PTPRT: variants seen among roughly 807,000 people sequenced by gnomAD.
PTPRT encodes protein tyrosine phosphatase receptor type T, also known as receptor-type tyrosine-protein phosphatase T.
In PTPRT, 56 loss-of-function variants were observed where a neutral mutation model predicts 176.8. The ratio of observed to expected loss-of-function variants is 0.32; its 90% CI spans 0.26 to 0.40. The LOEUF is 0.40. Among genes scored for constraint, PTPRT ranks in the 10% least tolerant of loss-of-function variants. PTPRT has a pLI of 1.00. For synonymous variants in PTPRT, 783 were observed against 739.0 expected, an observed-to-expected ratio of 1.06 and a Z score of -0.96; for missense variants, 1,540 against 1,908.2, an observed-to-expected ratio of 0.81 and a Z score of 3.60.
At chr20:42,184,614 T>TCTTCTTCTTCTTCTTCTTCTCCTC (rs1990692690) in intron 16 of PTPRT, among the ~76,000 whole-genome samples, 7 of 142,670 alleles carry the variant, frequency 4.9e-5, no homozygotes, top group African/African-American at 1.7e-4. Flanking sequence ...TTCTTCTTCT[T>TCTTCTTCTTCTTCTTCTTCTCCTC]CTCCTCCTTC....
At position 42,080,820 on chromosome 20, in the gene PTPRT, C is replaced by T. The variant is rs531586184; in HGVS notation, c.*59G>A. 1 of 1,532,332 alleles carries T rather than the reference C, an allele frequency of 6.5e-7. No individual in the cohort carries two copies. The highest frequency in any genetic ancestry group is 1.4e-5 in the African/African-American group (1 of 72,966). The allele number at this position is 1,532,332 out of a possible 1,614,324, so 94.9% of individuals were successfully genotyped here. ...CTGAGCCCAGTTACTGCCATTCACA[C>T]AAAAGGGGGCTTGGTCACAGCAGCC... On this transcript the variant is annotated 3_prime_UTR_variant, in exon 31 of 31. Coordinates refer to ENST00000373187, the MANE Select transcript of PTPRT (RefSeq NM_007050.6).
At chr20:42,117,172 GT>G (rs749911574) in intron 21 of PTPRT, among the ~76,000 whole-genome samples, 100 of 152,226 alleles carry the variant, frequency 6.6e-4, no homozygotes, top group Admixed American at 2.0e-3. Context: ...GTCTCACCTG[GT>G]CCTAAATTCC....
At chr20:42,389,852 CAAAAA>C (rs769093573) in intron 9 of PTPRT, among the ~76,000 whole-genome samples, 2 of 127,202 alleles carry the variant, frequency 1.6e-5, no homozygotes, top group Admixed American at 1.6e-4. Context: ...AAAACCCTGT[CAAAAA>C]AAAAAAAAAA....
intron 5 of PTPRT, among the ~76,000 whole-genome samples, chr20:42,757,538 G>GCCA (rs2076852930): frequency 6.6e-6 from 1 of 152,294 alleles, no homozygotes; most frequent in Admixed American, 6.5e-5. Flanking sequence ...TCCGTAAAAA[G>GCCA]CCACGTTCAG....
At chr20:42,454,190 T>C (rs1421224684) in intron 8 of PTPRT, among the ~76,000 whole-genome samples, 1 of 152,212 alleles carries the variant, frequency 6.6e-6, no homozygotes, top group Non-Finnish European at 1.5e-5. Flanking sequence ...CATAGTTGTA[T>C]CTAATTCATC....
chr20:42,277,194 G>A lies in PTPRT; in HGVS notation c.2176+5295C>T, dbSNP rs111472968. On this transcript the variant is annotated intron_variant, in intron 13 of 30. Coordinates refer to ENST00000373187, the MANE Select transcript of PTPRT (RefSeq NM_007050.6). ...TCAGCTTTCAGCACCCACTCCAAGG[G>A]GGTTGTTTTAATGGGATCGTTAGAG... 1.7e-3 allele frequency among the ~76,000 whole-genome samples: 264 copies of A among 152,186 alleles called. 3 individuals are homozygous for A. Among genetic ancestry groups the A allele is most frequent in the African/African-American group, 6.1e-3 (254 of 41,522 alleles).
intron 7 of PTPRT, among the ~76,000 whole-genome samples, chr20:42,599,845 AC>A (rs2073744488): frequency 6.6e-6 from 1 of 151,936 alleles, no homozygotes; most frequent in African/African-American, 2.4e-5. Context: ...CACAAACACC[AC>A]CCCTTGCACA....
At chr20:42,403,591 A>G (rs1301490006) in intron 9 of PTPRT, among the ~76,000 whole-genome samples, 1 of 152,176 alleles carries the variant, frequency 6.6e-6, no homozygotes, top group East Asian at 1.9e-4. Flanking sequence ...TGCTTTGAAG[A>G]CTTTCAGTCT....
intron 7 of PTPRT, among the ~76,000 whole-genome samples, chr20:42,491,161 T>C (rs889403698): frequency 6.6e-6 from 1 of 152,224 alleles, no homozygotes; most frequent in Non-Finnish European, 1.5e-5. Context: ...TTAGTTAGTA[T>C]TTAACATACG....
chr20:42,515,661 TA>T (rs1289538727), intron 7 of PTPRT, among the ~76,000 whole-genome samples: 1 of 152,192 alleles, frequency 6.6e-6, no homozygotes, highest in Non-Finnish European at 1.5e-5. Flanking sequence ...GCACAAGTCA[TA>T]AGTGTACAGT....
chr20:42,452,138 G>A (rs12329587), intron 8 of PTPRT, among the ~76,000 whole-genome samples: 2,257 of 151,816 alleles, frequency 0.015, 57 homozygotes, highest in African/African-American at 0.052. Context: ...GTATGGTGGC[G>A]CGCACCTGTA....
At chr20:42,360,245 A>G (rs975344365) in intron 9 of PTPRT, among the ~76,000 whole-genome samples, 4 of 152,254 alleles carry the variant, frequency 2.6e-5, no homozygotes, top group South Asian at 2.1e-4. Context: ...ATTCCTGTCA[A>G]CAGGTGCTCC....
intron 14 of PTPRT, among the ~76,000 whole-genome samples, chr20:42,246,876 C>T (rs776510983): frequency 4.6e-5 from 7 of 152,160 alleles, no homozygotes; most frequent in Non-Finnish European, 1.0e-4. Context: ...TTCACCTCTG[C>T]CTCTAATACA....
intron 6 of PTPRT, among the ~76,000 whole-genome samples, chr20:42,694,101 C>T (rs534013147): frequency 2.0e-5 from 3 of 150,012 alleles, no homozygotes; most frequent in Admixed American, 1.3e-4. Context: ...TGCAGCGGCG[C>T]GATCTCAGCT....
At chr20:42,474,874 C>T (rs1020776961) in intron 7 of PTPRT, among the ~76,000 whole-genome samples, 6 of 152,148 alleles carry the variant, frequency 3.9e-5, no homozygotes, top group African/African-American at 9.6e-5. Context: ...AGGGCCTCTT[C>T]GACACTCCTC....
chr20:43,087,791 T>C (rs2011658881), intron 1 of PTPRT, among the ~76,000 whole-genome samples: 1 of 152,052 alleles, frequency 6.6e-6, no homozygotes, highest in African/African-American at 2.4e-5. Flanking sequence ...CTATGAGCTT[T>C]TACTCCAGGA....
intron 1 of PTPRT, among the ~76,000 whole-genome samples, chr20:43,067,771 G>A (rs530550650): frequency 6.6e-6 from 1 of 150,934 alleles, no homozygotes; most frequent in Admixed American, 6.6e-5. Context: ...AGACCAGCCT[G>A]GGCAACAGAG....
At chr20:42,278,992 A>G (rs1017737450) in intron 13 of PTPRT, among the ~76,000 whole-genome samples, 2 of 152,084 alleles carry the variant, frequency 1.3e-5, no homozygotes, top group Admixed American at 6.5e-5. Flanking sequence ...TGCCCTTTCT[A>G]ACATTTCCTA....
At chr20:43,135,772 G>A (rs2013812854) in intron 1 of PTPRT, among the ~76,000 whole-genome samples, 1 of 152,156 alleles carries the variant, frequency 6.6e-6, no homozygotes, top group African/African-American at 2.4e-5. Flanking sequence ...CTGCATTAAA[G>A]AATGCAAGTT....
Sources: allele counts gnomAD v4.1 joint callset (sites outside exome capture counted in the v4.1 genomes callset), GRCh38; gene constraint gnomAD v4.1.1; transcripts MANE v1.5; gene names NCBI Gene and HGNC (gene_info 2026-07-23, HGNC 2026-07-21).